The following TFEB variants were observed in gnomAD, a reference collection of about 807,000 sequenced individuals.
The protein encoded by TFEB is T-cell transcription factor EB.
In TFEB, 12 loss-of-function variants were observed where a neutral mutation model predicts 48.0. The ratio of observed to expected loss-of-function variants is 0.25; its 90% confidence interval spans 0.16 to 0.40. The LOEUF is 0.40. Ranked by LOEUF, TFEB falls within the 10% of genes least tolerant of loss-of-function variation. TFEB has a pLI of 1.00. For synonymous variants in TFEB, 244 were observed against 261.4 expected, an observed-to-expected ratio of 0.93 and a Z score of 0.64; for missense variants, 509 against 640.3, an observed-to-expected ratio of 0.79 and a Z score of 2.21.
chr6:41,727,036 A>C (rs528470493), intron 1 of TFEB, among the ~76,000 whole-genome samples: 6 of 152,246 alleles, frequency 3.9e-5, no homozygotes, highest in Admixed American at 1.3e-4. Flanking sequence ...ACAGGAGCCG[A>C]CTACCATAGC....
intron 1 of TFEB, among the ~76,000 whole-genome samples, chr6:41,700,421 T>G (rs1447038576): frequency 4.2e-5 from 6 of 142,134 alleles, no homozygotes; most frequent in East Asian, 2.1e-4. Flanking sequence ...AGCCGAGATC[T>G]CGCCACTGCA....
At chr6:41,717,580 T>G (rs1015110920) in intron 1 of TFEB, among the ~76,000 whole-genome samples, 3 of 152,190 alleles carry the variant, frequency 2.0e-5, no homozygotes, top group African/African-American at 7.2e-5. Context: ...TGCCATCTAT[T>G]AGTCTGAGAA....
intron 1 of TFEB, among the ~76,000 whole-genome samples, chr6:41,702,341 G>C (rs1769978226): frequency 6.6e-6 from 1 of 152,204 alleles, no homozygotes. Flanking sequence ...GTCGGAGGGG[G>C]CGGAAGGGGA....
At chr6:41,692,646 C>T (rs1769375607) in intron 1 of TFEB, among the ~76,000 whole-genome samples, 1 of 152,214 alleles carries the variant, frequency 6.6e-6, no homozygotes. Flanking sequence ...GTAAGTGACC[C>T]TGGGTAAGTC....
In TFEB at chr6:41,684,781, G is replaced by A; in HGVS notation, c.1249C>T (p.Leu417=). The change falls in exon 9 of 9, where the codon CTG becomes TTG. Residue 417 remains leucine (L), a synonymous_variant. Coordinates refer to ENST00000373033, the MANE Select transcript of TFEB (RefSeq NM_001271944.2). The stretch of plus-strand genomic sequence containing the variant: ...AATGGGGAGCCATGCCCCGGCGCCA[G>A]GGGTTCGGGGTAGCCCGGGGGACCC... ...DEGPPGYPEP[L]APGHGSPFPS... The A allele has an allele frequency of 6.2e-7, 1 of 1,610,616 alleles. No homozygotes were observed. The highest frequency in any genetic ancestry group is 2.2e-5 in the East Asian group (1 of 44,756).
intron 1 of TFEB, chr6:41,733,957 G>T: frequency 1.2e-6 from 1 of 867,212 alleles, no homozygotes; most frequent in Non-Finnish European, 1.4e-6. Context: ...GGGTGCAGGG[G>T]CCTGAGGCCA....
intron 1 of TFEB, 173 bp downstream of exon 1, chr6:41,735,177 C>T (rs1771627757): frequency 3.3e-6 from 3 of 922,136 alleles, no homozygotes; most frequent in Non-Finnish European, 3.9e-6. Context: ...GCGCTGGGCG[C>T]CCGGGGGCGG....
intron 8 of TFEB, 92 bp from the exon 9 acceptor site, chr6:41,685,170 C>A: frequency 7.4e-7 from 1 of 1,347,894 alleles, no homozygotes; most frequent in Non-Finnish European, 9.6e-7. Context: ...GCACTTGCCC[C>A]TGCCCTACGG....
At chr6:41,735,777 T>G (rs1037751574), upstream of TFEB, among the ~76,000 whole-genome samples, 14 of 152,204 alleles carry the variant, frequency 9.2e-5, no homozygotes, top group Non-Finnish European at 1.8e-4. Context: ...GCTCTTGACT[T>G]GGAACCTCTG....
chr6:41,689,852 A>T, intron 3 of TFEB, 41 bp from the exon 4 acceptor site: 2 of 1,537,390 alleles, frequency 1.3e-6, no homozygotes, highest in Non-Finnish European at 1.8e-6. Flanking sequence ...GCCCACCACG[A>T]GGTGGGCAGG....
intron 1 of TFEB, among the ~76,000 whole-genome samples, chr6:41,703,047 T>C (rs546506672): frequency 6.6e-6 from 1 of 152,314 alleles, no homozygotes; most frequent in South Asian, 2.1e-4. Context: ...CACTGTCCCA[T>C]GTGCTGGCTG....
In TFEB at chr6:41,687,817, C is replaced by T; in HGVS notation, c.671-8G>A. The T allele has an allele frequency of 1.2e-6, 2 of 1,612,962 alleles. No individual in the cohort carries two copies. Among genetic ancestry groups the T allele is most frequent in the South Asian group, 1.1e-5 (1 of 90,848 alleles). ...GGGCCCTGCTCTCAGCATCTGGAGGCCAAAAGAGAAGGAGAGAGGAGCTGG... is the reference window on the plus strand; with the variant it reads ...GGGCCCTGCTCTCAGCATCTGGAGGTCAAAAGAGAAGGAGAGAGGAGCTGG... On this transcript the variant is annotated splice_region_variant and splice_polypyrimidine_tract_variant and intron_variant, in intron 5 of 8. Coordinates refer to ENST00000373033, the MANE Select transcript of TFEB (RefSeq NM_001271944.2).
At chr6:41,703,988 G>A (rs1770072213) in intron 1 of TFEB, among the ~76,000 whole-genome samples, 1 of 152,176 alleles carries the variant, frequency 6.6e-6, no homozygotes, top group South Asian at 2.1e-4. Context: ...AGTCTGTCTG[G>A]AAAGTGCCAG....
chr6:41,721,247 C>T (rs1054388473), intron 1 of TFEB, among the ~76,000 whole-genome samples: 4 of 152,166 alleles, frequency 2.6e-5, no homozygotes, highest in East Asian at 1.9e-4. Flanking sequence ...ACTGCTGCTG[C>T]GCCTTATATT....
chr6:41,705,329 T>C (rs6906513), intron 1 of TFEB, among the ~76,000 whole-genome samples: 14,454 of 152,098 alleles, frequency 0.095, 905 homozygotes, highest in Non-Finnish European at 0.13. Context: ...CCACCTGAGG[T>C]TGGCAAGGAC....
intron 1 of TFEB, among the ~76,000 whole-genome samples, chr6:41,731,130 T>C (rs935161704): frequency 6.6e-6 from 1 of 152,202 alleles, no homozygotes; most frequent in Non-Finnish European, 1.5e-5. Flanking sequence ...TTCTAAGTAC[T>C]ACATGTGCAT....
intron 1 of TFEB, among the ~76,000 whole-genome samples, chr6:41,705,203 G>T (rs953930436): frequency 6.6e-6 from 1 of 152,206 alleles, no homozygotes; most frequent in African/African-American, 2.4e-5. Flanking sequence ...GCCTGGGAGT[G>T]TGGAGGCTCC....
In TFEB at chr6:41,687,178, A is replaced by G. The variant is rs1272663193; in HGVS notation, c.728-9T>C. 6.2e-7 allele frequency: 1 copy of G among 1,614,094 alleles called. No individual in the cohort carries two copies. The highest frequency in any genetic ancestry group is 1.7e-5 in the Admixed American group (1 of 60,024). ...CCTTCGTCTCCTTTCAACTAAAGGTAACAGATTCCAGAAGGAGCAATTAGA... is the reference window on the plus strand; with the variant it reads ...CCTTCGTCTCCTTTCAACTAAAGGTGACAGATTCCAGAAGGAGCAATTAGA... On this transcript the variant is annotated splice_polypyrimidine_tract_variant and intron_variant, in intron 6 of 8. Transcript: ENST00000373033.
chr6:41,687,228 G>C (rs1222994227), intron 6 of TFEB, 59 bp from the exon 7 acceptor site: 9 of 1,552,124 alleles, frequency 5.8e-6, no homozygotes, highest in African/African-American at 1.4e-5. Flanking sequence ...CCACCCCATG[G>C]GGAGAAGTAC....
Sources: gnomAD v4.1 joint callset for allele counts (sites outside exome capture counted in the v4.1 genomes callset) on GRCh38, gnomAD v4.1.1 for gene constraint, MANE v1.5 for transcripts, NCBI Gene and HGNC (gene_info 2026-07-23, HGNC 2026-07-21) for gene names.